CHCHD3: variants seen among roughly 807,000 people sequenced by gnomAD.
CHCHD3 encodes coiled-coil-helix-coiled-coil-helix domain containing 3.
A neutral mutation model predicts 38.2 loss-of-function variants in CHCHD3; 20 were observed. The observed-to-expected ratio is 0.52, with a 90% CI of 0.37 to 0.76. CHCHD3 has a LOEUF of 0.76. Ranked by LOEUF, CHCHD3 falls within the 30% of genes least tolerant of loss-of-function variation. The pLI is 0.00. For synonymous variants in CHCHD3, 82 were observed against 100.0 expected, an observed-to-expected ratio of 0.82 and a Z score of 1.07; for missense variants, 245 against 279.2, an observed-to-expected ratio of 0.88 and a Z score of 0.87.
intron 3 of CHCHD3, among the ~76,000 whole-genome samples, chr7:132,984,111 G>A (rs1207858553): frequency 1.4e-5 from 2 of 138,422 alleles, no homozygotes; most frequent in African/African-American, 2.7e-5. Context: ...CCCTGATGCC[G>A]AGCCAAAGCT....
chr7:132,958,037 C>G (rs146801193), intron 4 of CHCHD3, among the ~76,000 whole-genome samples: 1,597 of 152,266 alleles, frequency 0.01, 12 homozygotes, highest in South Asian at 0.066. Context: ...TATGTGGGAC[C>G]TCCTGCTAAG....
At chr7:132,950,669 G>A (rs918554431) in intron 4 of CHCHD3, among the ~76,000 whole-genome samples, 6 of 152,004 alleles carry the variant, frequency 3.9e-5, no homozygotes, top group Non-Finnish European at 7.4e-5. Context: ...TTTTAAAGAA[G>A]GTTTTTTTTC....
At chr7:132,811,431 A>C (rs1304007084) in intron 6 of CHCHD3, among the ~76,000 whole-genome samples, 1 of 152,238 alleles carries the variant, frequency 6.6e-6, no homozygotes, top group Non-Finnish European at 1.5e-5. Context: ...ATGCATGTTA[A>C]ATTTTACTAA....
At chr7:133,068,770 A>G (rs1814741982) in intron 2 of CHCHD3, among the ~76,000 whole-genome samples, 2 of 152,224 alleles carry the variant, frequency 1.3e-5, no homozygotes, top group Admixed American at 1.3e-4. Flanking sequence ...TAAGGAAAAA[A>G]GAAAACAAGG....
Position 133,035,272 on chromosome 7 carries a change from C to T in CHCHD3, c.170-10645G>A. 6.2e-7 allele frequency: 1 copy of T among 1,613,266 alleles called. No individual in the cohort carries two copies. The highest frequency in any genetic ancestry group is 8.5e-7 in the Non-Finnish European group (1 of 1,179,284). ...TGGGTCTCTGCAAACTTTTTAGCAT[C>T]AAACTGGGCCATCTTCTCACACAGT... On this transcript the variant is annotated intron_variant, in intron 2 of 7. Transcript: ENST00000262570. The surrounding 1 kb of genome is among the most constrained non-coding windows in gnomAD (Gnocchi z 4.7).
At chr7:132,980,031 T>C (rs964802878) in intron 3 of CHCHD3, among the ~76,000 whole-genome samples, 3 of 152,244 alleles carry the variant, frequency 2.0e-5, no homozygotes, top group Non-Finnish European at 4.4e-5. Context: ...CTTGGTTTTA[T>C]ACCGCATGGA....
At chr7:133,011,853 G>T (rs1395479705) in intron 3 of CHCHD3, among the ~76,000 whole-genome samples, 1 of 152,132 alleles carries the variant, frequency 6.6e-6, no homozygotes, top group Non-Finnish European at 1.5e-5. Flanking sequence ...TGTCTTTACA[G>T]TTAATATTCT....
At chr7:132,803,821 T>C (rs1806848494) in intron 6 of CHCHD3, among the ~76,000 whole-genome samples, 1 of 141,674 alleles carries the variant, frequency 7.1e-6, no homozygotes, top group Non-Finnish European at 1.5e-5. Context: ...CTCTGTTTTT[T>C]CTCCACCTGC....
At chr7:132,916,184 C>A (rs1810101046) in intron 4 of CHCHD3, among the ~76,000 whole-genome samples, 1 of 152,156 alleles carries the variant, frequency 6.6e-6, no homozygotes, top group Non-Finnish European at 1.5e-5. Context: ...ATCCACACTA[C>A]TAATTTTAAA....
intron 3 of CHCHD3, among the ~76,000 whole-genome samples, chr7:132,995,496 T>A (rs1812390101): frequency 6.6e-6 from 1 of 152,218 alleles, no homozygotes. Context: ...GACTCAAAAG[T>A]GAAATCATAG....
chr7:133,033,366 C>A (rs1193209078), intron 2 of CHCHD3, among the ~76,000 whole-genome samples: 1 of 152,088 alleles, frequency 6.6e-6, no homozygotes, highest in Non-Finnish European at 1.5e-5. Context: ...GAAACTACCC[C>A]CAGGCACTGC....
chr7:132,969,936 T>A (rs1251480585), intron 4 of CHCHD3, among the ~76,000 whole-genome samples: 1 of 152,178 alleles, frequency 6.6e-6, no homozygotes, highest in East Asian at 1.9e-4. Flanking sequence ...TGTCTCTTTA[T>A]ACACCCTCTC....
chr7:132,829,676 G>T (rs915519114), intron 6 of CHCHD3, among the ~76,000 whole-genome samples: 5 of 152,204 alleles, frequency 3.3e-5, no homozygotes, highest in Non-Finnish European at 5.9e-5. Context: ...GAAGGACGTG[G>T]CCAATCTGGC....
intron 5 of CHCHD3, among the ~76,000 whole-genome samples, chr7:132,857,641 C>G (rs1808372628): frequency 6.6e-6 from 1 of 152,180 alleles, no homozygotes; most frequent in Admixed American, 6.5e-5. Context: ...CTCCTGACCT[C>G]AGGTGATCAG....
chr7:133,080,631 T>G (rs1377469617), intron 1 of CHCHD3, among the ~76,000 whole-genome samples: 1 of 152,198 alleles, frequency 6.6e-6, no homozygotes, highest in African/African-American at 2.4e-5. Flanking sequence ...TGAAACACAA[T>G]AACTCAAAGA....
rs1196618043 is a variant in CHCHD3 at position 132,985,404 on chromosome 7, C to A, written c.252-10118G>T. On this transcript the variant is annotated intron_variant, in intron 3 of 7. Transcript: ENST00000262570. The stretch of plus-strand genomic sequence containing the variant: ...GGGGTCAGCCCCCCGCCCGGCCAGC[C>A]GCCCTATCCGGGAGGTGAGGGGCGC... Among the ~76,000 whole-genome samples, 15 of 79,472 alleles carry A rather than the reference C, an allele frequency of 1.9e-4. 5 individuals are homozygous for A. Among genetic ancestry groups the A allele is most frequent in the Admixed American group, 2.6e-4 (2 of 7,836 alleles). 52.1% of individuals were successfully genotyped at this position (79,472 alleles called of 152,430 possible). A position where few individuals can be genotyped will look rare whatever the true frequency, so the allele number is the denominator to read the frequency against.
chr7:132,820,950 A>T (rs1563245477), intron 6 of CHCHD3, among the ~76,000 whole-genome samples: 1 of 152,230 alleles, frequency 6.6e-6, no homozygotes, highest in African/African-American at 2.4e-5. Flanking sequence ...TTGCGTATGT[A>T]TGTCTAACCA....
intron 4 of CHCHD3, among the ~76,000 whole-genome samples, chr7:132,958,978 A>G (rs1016626270): frequency 2.1e-4 from 32 of 152,326 alleles, no homozygotes; most frequent in African/African-American, 7.2e-4. Flanking sequence ...CCCGGGCAAC[A>G]TATGTGTCTA....
chr7:132,835,267 C>G (rs1267967781), intron 6 of CHCHD3, among the ~76,000 whole-genome samples: 1 of 152,040 alleles, frequency 6.6e-6, no homozygotes, highest in Non-Finnish European at 1.5e-5. Context: ...CAGGCATGAG[C>G]CACCTCGCCT....
Sources: allele counts gnomAD v4.1 joint callset (sites outside exome capture counted in the v4.1 genomes callset), GRCh38; gene constraint gnomAD v4.1.1; non-coding constraint Gnocchi (gnomAD v3.1); transcripts MANE v1.5; gene names NCBI Gene and HGNC (gene_info 2026-07-23, HGNC 2026-07-21).